The following ZBTB7C variants were observed in gnomAD, a reference collection of about 807,000 sequenced individuals.
ZBTB7C encodes the protein zinc finger and BTB domain containing 7C.
In ZBTB7C, 8 loss-of-function variants were observed where a neutral mutation model predicts 25.7. The observed-to-expected ratio is 0.31, with a 90% CI of 0.18 to 0.56. ZBTB7C has a LOEUF of 0.56. Among genes scored for constraint, ZBTB7C ranks in the 20% least tolerant of loss-of-function variants. The pLI is 0.91. For missense variants in ZBTB7C, 824 were observed against 855.2 expected (o/e 0.96, Z 0.46); for synonymous variants, 394 against 369.0 (o/e 1.07, Z -0.78).
intron 3 of ZBTB7C, among the ~76,000 whole-genome samples, chr18:48,094,932 C>T (rs2038559790): frequency 6.6e-6 from 1 of 152,194 alleles, no homozygotes; most frequent in African/African-American, 2.4e-5. Context: ...TCCAACCATG[C>T]TCATATATTA....
chr18:48,247,574 T>A (rs2043729612), intron 2 of ZBTB7C, among the ~76,000 whole-genome samples: 1 of 152,170 alleles, frequency 6.6e-6, no homozygotes, highest in Non-Finnish European at 1.5e-5. Context: ...AACAACCTTG[T>A]TTTGTCCAAT....
intron 2 of ZBTB7C, among the ~76,000 whole-genome samples, chr18:48,310,012 G>C (rs913302400): frequency 1.3e-5 from 2 of 152,080 alleles, no homozygotes; most frequent in Non-Finnish European, 2.9e-5. Context: ...GGTGGATCAC[G>C]GGGTCAGGAG....
At chr18:48,035,385 C>T (rs1297231133) in intron 4 of ZBTB7C, among the ~76,000 whole-genome samples, 5 of 152,200 alleles carry the variant, frequency 3.3e-5, no homozygotes, top group Non-Finnish European at 7.3e-5. Flanking sequence ...ATGGCTGGGG[C>T]ATCTCTGGGA....
intron 1 of ZBTB7C, among the ~76,000 whole-genome samples, chr18:48,399,578 C>T (rs2048112804): frequency 6.6e-6 from 1 of 152,174 alleles, no homozygotes; most frequent in African/African-American, 2.4e-5. Context: ...TCCTCAACTG[C>T]CTTCTGGAGG....
chr18:48,209,221 C>T (rs1046152374), intron 2 of ZBTB7C, among the ~76,000 whole-genome samples: 4 of 152,158 alleles, frequency 2.6e-5, no homozygotes, highest in Non-Finnish European at 5.9e-5. Context: ...CCTCAGGCTC[C>T]AAACGGAAAT....
At chr18:48,319,050 C>T (rs958284747) in intron 2 of ZBTB7C, among the ~76,000 whole-genome samples, 1 of 151,970 alleles carries the variant, frequency 6.6e-6, no homozygotes, top group African/African-American at 2.4e-5. Flanking sequence ...AGTAAGGTCG[C>T]TTTCTCCTAC....
At chr18:48,153,198 T>C (rs1217353357) in intron 3 of ZBTB7C, among the ~76,000 whole-genome samples, 1 of 152,236 alleles carries the variant, frequency 6.6e-6, no homozygotes, top group Non-Finnish European at 1.5e-5. Context: ...AATTGTTCAT[T>C]AGATGTTACT....
At chr18:48,238,274 T>A (rs909618250) in intron 2 of ZBTB7C, among the ~76,000 whole-genome samples, 4 of 152,162 alleles carry the variant, frequency 2.6e-5, no homozygotes, top group African/African-American at 9.7e-5. Flanking sequence ...AAATGGCAGA[T>A]AGGAGGTAGG....
rs190335136 is a variant in ZBTB7C at position 48,129,105 on chromosome 18, G to A, written c.-17+56829C>T. Among the ~76,000 whole-genome samples, 19 of 152,176 alleles carry A rather than the reference G, an allele frequency of 1.2e-4. No homozygotes were observed. The East Asian group carries it at 1.9e-3, about 15-fold the overall frequency. On this transcript the variant is annotated intron_variant, in intron 3 of 4. Coordinates refer to ENST00000590800, the MANE Select transcript of ZBTB7C (RefSeq NM_001318841.2). ...TCGGAACACAGATTCCTGGATGGGC[G>A]GGTCTCAGCGGGTGGGGAGAGGAAT...
intron 3 of ZBTB7C, among the ~76,000 whole-genome samples, chr18:48,144,026 T>G (rs1485811961): frequency 6.6e-6 from 1 of 152,178 alleles, no homozygotes; most frequent in Non-Finnish European, 1.5e-5. Context: ...ACCTGTAATC[T>G]TAGCACTTTG....
intron 2 of ZBTB7C, among the ~76,000 whole-genome samples, chr18:48,191,554 A>T (rs1301230058): frequency 6.6e-6 from 1 of 152,236 alleles, no homozygotes; most frequent in Non-Finnish European, 1.5e-5. Context: ...GAGGACACTG[A>T]GCCACTATGC....
intron 3 of ZBTB7C, among the ~76,000 whole-genome samples, chr18:48,134,117 A>G (rs1391961166): frequency 1.3e-5 from 2 of 149,294 alleles, no homozygotes; most frequent in Non-Finnish European, 1.5e-5. Context: ...TTTTTAAGAA[A>G]AGGAAGTAGA....
intron 1 of ZBTB7C, among the ~76,000 whole-genome samples, chr18:48,371,630 G>A (rs1469702819): frequency 1.3e-5 from 2 of 152,228 alleles, no homozygotes; most frequent in Admixed American, 1.3e-4. Flanking sequence ...ATGATTGCCA[G>A]GGGCAGAGCT....
chr18:48,356,101 C>T (rs751112412), intron 1 of ZBTB7C, among the ~76,000 whole-genome samples: 2 of 152,168 alleles, frequency 1.3e-5, no homozygotes, highest in African/African-American at 2.4e-5. Flanking sequence ...AACTCCGATG[C>T]GCATGAGGCT....
At chr18:48,272,910 A>G (rs1173028459) in intron 2 of ZBTB7C, among the ~76,000 whole-genome samples, 1 of 152,254 alleles carries the variant, frequency 6.6e-6, no homozygotes, top group Admixed American at 6.5e-5. Context: ...AAAAGGCTAC[A>G]TATTGTATGA....
intron 3 of ZBTB7C, among the ~76,000 whole-genome samples, chr18:48,166,457 C>T (rs1270758953): frequency 2.6e-5 from 4 of 152,190 alleles, no homozygotes; most frequent in African/African-American, 9.6e-5. Flanking sequence ...CTGGACTTCT[C>T]AGCTTCTCAG....
rs549426872 is a variant in ZBTB7C at position 48,210,867 on chromosome 18, G to A, written c.-78-24872C>T. Among the ~76,000 whole-genome samples the A allele has an allele frequency of 2.6e-5, 4 of 152,142 alleles. No individual in the cohort carries two copies. In the South Asian group the frequency reaches 8.3e-4, roughly 32 times the overall value. On this transcript the variant is annotated intron_variant, in intron 2 of 4. Transcript: ENST00000590800. ...AAAAATTCCATAAAGTTTTTACGGA[G>A]AGACAAATGACTCAGAATAGCCAAC...
chr18:48,112,371 G>C (rs1409571987), intron 3 of ZBTB7C, among the ~76,000 whole-genome samples: 1 of 138,400 alleles, frequency 7.2e-6, no homozygotes, highest in East Asian at 2.4e-4. Flanking sequence ...TTTTGAGATG[G>C]AGTCTCGCTC....
At chr18:48,217,086 C>A (rs1599121678) in intron 2 of ZBTB7C, among the ~76,000 whole-genome samples, 1 of 152,140 alleles carries the variant, frequency 6.6e-6, no homozygotes, top group South Asian at 2.1e-4. Flanking sequence ...CTGGCAGAGG[C>A]CTGCAGCAGG....
Sources: allele counts gnomAD v4.1 joint callset (sites outside exome capture counted in the v4.1 genomes callset), GRCh38; gene constraint gnomAD v4.1.1; transcripts MANE v1.5; gene names NCBI Gene and HGNC (gene_info 2026-07-23, HGNC 2026-07-21).